Variants in CCSER2 observed in about 807,000 individuals in gnomAD.
CCSER2 encodes serine-rich coiled-coil domain-containing protein 2.
Under a neutral mutation model 92.3 loss-of-function variants are expected in CCSER2, and 46 were observed. That is an observed-to-expected ratio of 0.50 (90% CI 0.39 to 0.64). The LOEUF (loss-of-function observed/expected upper bound fraction) is 0.64, where lower values mean the gene tolerates loss of function less well. Among genes scored for constraint, CCSER2 ranks in the 30% least tolerant of loss-of-function variants. CCSER2 has a pLI of 0.00. For synonymous variants in CCSER2, 433 were observed against 431.4 expected (o/e 1.00, Z -0.04); for missense variants, 1,244 against 1,238.9 (o/e 1.00, Z -0.06).
chr10:84,486,302 C>G (rs902555985), intron 9 of CCSER2, among the ~76,000 whole-genome samples: 2 of 152,168 alleles, frequency 1.3e-5, no homozygotes, highest in African/African-American at 4.8e-5. Flanking sequence ...AGTTCTAGAT[C>G]CTTGAGGAAT....
At chr10:84,401,130 A>T (rs1425757975) in intron 3 of CCSER2, among the ~76,000 whole-genome samples, 2 of 152,172 alleles carry the variant, frequency 1.3e-5, no homozygotes, top group African/African-American at 4.8e-5. Context: ...CAAATCAGTA[A>T]TCAAAGCTTG....
At chr10:84,474,720 T>C (rs1847033719) in intron 8 of CCSER2, among the ~76,000 whole-genome samples, 2 of 150,602 alleles carry the variant, frequency 1.3e-5, no homozygotes, top group Admixed American at 6.6e-5. Context: ...ATGATAGTTA[T>C]GTTGTGATAG....
At chr10:84,426,811 A>G (rs1321264001) in intron 5 of CCSER2, among the ~76,000 whole-genome samples, 1 of 152,234 alleles carries the variant, frequency 6.6e-6, no homozygotes, top group Non-Finnish European at 1.5e-5. Context: ...ATTTATTACA[A>G]CATATACAGT....
chr10:84,371,342 A>G lies in CCSER2; in HGVS notation c.290A>G (p.Lys97Arg). ...CATGATAAAATAATTGATCCTGAAA[A>G]ACGTGTTCCTACTCAAGGAATGTTT... ...NSHDKIIDPEKRVPTQGMFDK... is the reference protein window; with the variant it reads ...NSHDKIIDPERRVPTQGMFDK... Residue 97 changes from lysine (K) to arginine (R), a missense_variant, in exon 2 of 10, where the codon AAA becomes AGA. By Grantham distance (26) the Lys-to-Arg change is conservative. Coordinates refer to ENST00000372088, the MANE Select transcript of CCSER2 (RefSeq NM_001284240.2). The G allele has an allele frequency of 6.2e-7, 1 of 1,613,780 alleles. No homozygotes were observed. The highest frequency in any genetic ancestry group is 8.5e-7 in the Non-Finnish European group (1 of 1,179,850).
intron 1 of CCSER2, among the ~76,000 whole-genome samples, chr10:84,351,248 T>C (rs1388598244): frequency 6.6e-6 from 1 of 152,028 alleles, no homozygotes; most frequent in Non-Finnish European, 1.5e-5. Flanking sequence ...TTTTTGTTTT[T>C]TTTTTCCTTT....
chr10:84,369,308 C>T (rs1845944023), intron 1 of CCSER2, among the ~76,000 whole-genome samples: 1 of 152,098 alleles, frequency 6.6e-6, no homozygotes, highest in African/African-American at 2.4e-5. Context: ...CCCTTTTCAT[C>T]ACATCTATGC....
intron 2 of CCSER2, 83 bp from the exon 3 acceptor site, chr10:84,373,536 A>G (rs1273513335): frequency 7.7e-6 from 8 of 1,039,904 alleles, no homozygotes; most frequent in South Asian, 3.3e-5. Flanking sequence ...TTGCTATGAT[A>G]TATCAAATTA....
chr10:84,435,920 A>G (rs1432551093), intron 5 of CCSER2, among the ~76,000 whole-genome samples: 1 of 152,060 alleles, frequency 6.6e-6, no homozygotes, highest in East Asian at 1.9e-4. Flanking sequence ...ATCTAGATCA[A>G]GTGTGCACAG....
Position 84,506,972 on chromosome 10 carries a change from T to C in CCSER2, c.2326-6477T>C, listed in dbSNP as rs1297339174. 3.3e-5 allele frequency among the ~76,000 whole-genome samples: 5 copies of C among 152,184 alleles called. No individual in the cohort carries two copies. The East Asian group carries it at 9.6e-4, about 29-fold the overall frequency. On this transcript the variant is annotated intron_variant, in intron 9 of 9. Transcript: ENST00000372088. Reference sequence around the variant, plus strand: ...ATATTAAATTTTATCAGAATTACTTTCAATATTTTGTTTGGTAAGAGTCTT... The same window carrying C: ...ATATTAAATTTTATCAGAATTACTTCCAATATTTTGTTTGGTAAGAGTCTT...
At chr10:84,440,952 A>C (rs1427182914) in intron 6 of CCSER2, among the ~76,000 whole-genome samples, 1 of 152,174 alleles carries the variant, frequency 6.6e-6, no homozygotes, top group Non-Finnish European at 1.5e-5. Flanking sequence ...TATCTCTGGA[A>C]TATTTTTAAT....
intron 3 of CCSER2, chr10:84,389,343 C>G (rs1354879878): frequency 7.7e-6 from 4 of 522,764 alleles, no homozygotes; most frequent in African/African-American, 5.8e-5. Context: ...ACAATCTCAT[C>G]AAAAGTGATA....
At chr10:84,366,612 A>G (rs1355403854) in intron 1 of CCSER2, among the ~76,000 whole-genome samples, 1 of 152,190 alleles carries the variant, frequency 6.6e-6, no homozygotes, top group Admixed American at 6.5e-5. Flanking sequence ...AGAATCTTCC[A>G]AGGGGTCTTT....
At chr10:84,331,559 G>A (rs755043540) in intron 1 of CCSER2, among the ~76,000 whole-genome samples, 17 of 152,284 alleles carry the variant, frequency 1.1e-4, no homozygotes, top group Non-Finnish European at 2.2e-4. Flanking sequence ...CTGGCTAATA[G>A]CATGGCTAAA....
chr10:84,380,334 C>T (rs1840826118), intron 3 of CCSER2, among the ~76,000 whole-genome samples: 1 of 151,662 alleles, frequency 6.6e-6, no homozygotes, highest in Non-Finnish European at 1.5e-5. Flanking sequence ...TGCCATTTTT[C>T]TTATTGATAT....
At chr10:84,459,285 A>G (rs946839469) in intron 6 of CCSER2, among the ~76,000 whole-genome samples, 2 of 152,026 alleles carry the variant, frequency 1.3e-5, no homozygotes, top group African/African-American at 4.8e-5. Context: ...TAGTACTTTT[A>G]TTATAGATAC....
intron 1 of CCSER2, among the ~76,000 whole-genome samples, chr10:84,331,568 A>C (rs1211293633): frequency 6.6e-6 from 1 of 152,196 alleles, no homozygotes; most frequent in African/African-American, 2.4e-5. Context: ...AGCATGGCTA[A>C]AATTACTTGT....
chr10:84,371,309 A>C lies in CCSER2; in HGVS notation c.257A>C (p.Gln86Pro), dbSNP rs1430641818. 2 of 1,613,606 alleles carry C rather than the reference A, an allele frequency of 1.2e-6. No homozygotes were observed. The stretch of plus-strand genomic sequence containing the variant: ...GGTGTCGAAGAGCCTAACAATACTC[A>C]AAATTCACATGATAAAATAATTGAT... Reference protein sequence around the residue: ...AQGVEEPNNTQNSHDKIIDPE... With the variant: ...AQGVEEPNNTPNSHDKIIDPE... Residue 86 changes from glutamine (Q) to proline (P), a missense_variant, in exon 2 of 10, where the codon CAA (glutamine) becomes CCA (proline). Gln to Pro is a moderately conservative substitution (Grantham distance 76). Transcript: ENST00000372088.
At chr10:84,349,083 A>G (rs967836660) in intron 1 of CCSER2, among the ~76,000 whole-genome samples, 16 of 152,140 alleles carry the variant, frequency 1.1e-4, no homozygotes, top group Non-Finnish European at 2.1e-4. Context: ...TCACCTTTAT[A>G]GTATTTCTCC....
intron 9 of CCSER2, among the ~76,000 whole-genome samples, chr10:84,491,462 G>A (rs1405348878): frequency 2.0e-5 from 3 of 152,140 alleles, no homozygotes; most frequent in Non-Finnish European, 4.4e-5. Flanking sequence ...CCCCAGCCTT[G>A]CTGCCACCTT....
Sources: gnomAD v4.1 joint callset for allele counts (sites outside exome capture counted in the v4.1 genomes callset) on GRCh38, gnomAD v4.1.1 for gene constraint, MANE v1.5 for transcripts, NCBI Gene and HGNC (gene_info 2026-07-23, HGNC 2026-07-21) for gene names.